ADCY8: variants seen among roughly 807,000 people sequenced by gnomAD.
The protein encoded by ADCY8 is adenylate cyclase type 8.
Under a neutral mutation model 119.7 loss-of-function variants are expected in ADCY8, and 51 were observed. The ratio of observed to expected loss-of-function variants is 0.43; its 90% CI spans 0.34 to 0.54. The LOEUF (loss-of-function observed/expected upper bound fraction) is 0.54, where lower values mean the gene tolerates loss of function less well. Ranked by LOEUF, ADCY8 falls within the 20% of genes least tolerant of loss-of-function variation. The probability of loss-of-function intolerance (pLI) is 0.03; values close to 1 mark genes in which losing one functional copy is unlikely to be tolerated. For missense variants in ADCY8, 1,383 were observed against 1,598.8 expected (o/e 0.87, Z 2.30); for synonymous variants, 665 against 651.0 (o/e 1.02, Z -0.33).
At position 131,003,685 on chromosome 8, in the gene ADCY8, AT is replaced by A. The variant is rs60590091; in HGVS notation, c.961-13144del. Among the ~76,000 whole-genome samples the A allele has an allele frequency of 4.7e-3, 712 of 152,298 alleles. 6 individuals carry two copies. Among genetic ancestry groups the A allele is most frequent in the African/African-American group, 0.017 (691 of 41,560 alleles). ...AATTGAGGCTCAGCGAGGTTAAATA[AT>A]AGAGCTAGTAAGTGGTACTAGGGTG... is the stretch of plus-strand genomic sequence containing the variant. On this transcript the variant is annotated intron_variant, in intron 1 of 17. Coordinates refer to ENST00000286355, the MANE Select transcript of ADCY8 (RefSeq NM_001115.3).
chr8:131,033,859 G>T (rs1824068546), intron 1 of ADCY8, among the ~76,000 whole-genome samples: 1 of 151,866 alleles, frequency 6.6e-6, no homozygotes, highest in Non-Finnish European at 1.5e-5. Flanking sequence ...TCTTTTACAA[G>T]TAAGAGAGAA....
chr8:130,913,373 TCTA>T (rs1820037404), intron 5 of ADCY8, among the ~76,000 whole-genome samples: 1 of 152,250 alleles, frequency 6.6e-6, no homozygotes, highest in Middle Eastern at 3.4e-3. Context: ...TAACCATCAT[TCTA>T]CTCTCTATGT....
At chr8:130,944,011 A>G (rs1821035573) in intron 3 of ADCY8, among the ~76,000 whole-genome samples, 1 of 151,990 alleles carries the variant, frequency 6.6e-6, no homozygotes, top group African/African-American at 2.4e-5. Context: ...ATTTCCCAAT[A>G]CTCTCACATT....
In ADCY8 at chr8:130,896,236, C is replaced by T. The variant is rs1315517782; in HGVS notation, c.1911+7536G>A. 2.6e-5 allele frequency among the ~76,000 whole-genome samples: 4 copies of T among 152,210 alleles called. No individual in the cohort carries two copies. In the South Asian group the frequency reaches 6.2e-4, roughly 24 times the overall value. On this transcript the variant is annotated intron_variant, in intron 7 of 17. Coordinates refer to ENST00000286355, the MANE Select transcript of ADCY8 (RefSeq NM_001115.3). ...TTAGTAGCACCATCAAACTAAGCTC[C>T]GGAGTGCTTGCCCCACCTTCGTCTC...
intron 17 of ADCY8, among the ~76,000 whole-genome samples, chr8:130,782,327 T>C (rs1309489896): frequency 1.3e-5 from 2 of 152,158 alleles, no homozygotes; most frequent in East Asian, 1.9e-4. Context: ...TTGATTCTCA[T>C]ATTATTATTG....
chr8:130,919,358 A>G (rs1479103349), intron 5 of ADCY8, among the ~76,000 whole-genome samples: 1 of 152,136 alleles, frequency 6.6e-6, no homozygotes. Flanking sequence ...GGCTATGGCC[A>G]GGCCAGCTGT....
chr8:130,884,499 C>G (rs1309301064), intron 8 of ADCY8, 65 bp downstream of exon 8: 6 of 1,554,874 alleles, frequency 3.9e-6, no homozygotes, highest in South Asian at 2.2e-5. Context: ...GGCTCTCTCT[C>G]TAGTCCCATG....
intron 6 of ADCY8, among the ~76,000 whole-genome samples, chr8:130,904,402 C>G (rs1446445196): frequency 2.6e-5 from 4 of 151,954 alleles, no homozygotes; most frequent in Non-Finnish European, 4.4e-5. Flanking sequence ...ATTGGAAAAA[C>G]AAGTGCTGCA....
At chr8:130,783,021 C>T (rs538757592) in intron 17 of ADCY8, among the ~76,000 whole-genome samples, 3 of 152,228 alleles carry the variant, frequency 2.0e-5, no homozygotes, top group African/African-American at 4.8e-5. Flanking sequence ...TTCATAGGCC[C>T]GCATTTACTC....
At chr8:130,784,135 G>T (rs1442348579) in intron 16 of ADCY8, among the ~76,000 whole-genome samples, 1 of 152,138 alleles carries the variant, frequency 6.6e-6, no homozygotes, top group African/African-American at 2.4e-5. Context: ...ATGTGTGTGT[G>T]TGTTGGGGGT....
At chr8:130,852,345 G>T (rs992552224) in intron 9 of ADCY8, among the ~76,000 whole-genome samples, 5 of 152,120 alleles carry the variant, frequency 3.3e-5, no homozygotes, top group African/African-American at 1.2e-4. Flanking sequence ...AGAACAGAAG[G>T]TTGGTGCATC....
intron 4 of ADCY8, 35 bp downstream of exon 4, chr8:130,943,316 T>G (rs1821011893): frequency 6.7e-7 from 1 of 1,489,466 alleles, no homozygotes; most frequent in African/African-American, 1.4e-5. Context: ...CCCTCACTCC[T>G]GCAAAAGACG....
intron 5 of ADCY8, among the ~76,000 whole-genome samples, chr8:130,925,742 G>A (rs1331508846): frequency 1.3e-5 from 2 of 152,178 alleles, no homozygotes; most frequent in East Asian, 1.9e-4. Context: ...CATGATAAAT[G>A]TTTGGTTTAA....
At position 130,951,937 on chromosome 8, in the gene ADCY8, G is replaced by T; in HGVS notation, c.1172C>A (p.Thr391Asn). 6.2e-7 allele frequency: 1 copy of T among 1,614,094 alleles called. No individual in the cohort carries two copies. The highest frequency in any genetic ancestry group is 8.5e-7 in the Non-Finnish European group (1 of 1,180,008). ...FVVLEMINDM[T>N]NVEDEHLQHQ... ...CTGCAGGTGCTCATCTTCCACATTGGTCATGTCGTTGATCATTTCCAGGAC... is the reference window on the plus strand; with the variant it reads ...CTGCAGGTGCTCATCTTCCACATTGTTCATGTCGTTGATCATTTCCAGGAC... The change falls in exon 3 of 18, where the codon ACC (threonine) becomes AAC (asparagine). Residue 391 changes from threonine (T) to asparagine (N), a missense_variant. By Grantham distance (65) the Thr-to-Asn change is moderately conservative. Transcript: ENST00000286355.
chr8:130,919,442 TGA>T (rs1345144487), intron 5 of ADCY8, among the ~76,000 whole-genome samples: 1 of 152,180 alleles, frequency 6.6e-6, no homozygotes, highest in Non-Finnish European at 1.5e-5. Flanking sequence ...GGTTGATCTC[TGA>T]GTGCCAATGT....
At chr8:130,925,384 TA>T (rs1820433949) in intron 5 of ADCY8, among the ~76,000 whole-genome samples, 1 of 152,182 alleles carries the variant, frequency 6.6e-6, no homozygotes, top group African/African-American at 2.4e-5. Flanking sequence ...AATATTTCCA[TA>T]GTGATAACAT....
chr8:130,990,281 C>T (rs1439517759), intron 2 of ADCY8, 112 bp downstream of exon 2: 10 of 1,382,314 alleles, frequency 7.2e-6, no homozygotes, highest in Non-Finnish European at 9.9e-6. Flanking sequence ...GTGACATAAA[C>T]TTTAAGAGAA....
chr8:130,974,214 CTG>C (rs1822005832), intron 2 of ADCY8, among the ~76,000 whole-genome samples: 4 of 152,198 alleles, frequency 2.6e-5, no homozygotes, highest in Non-Finnish European at 5.9e-5. Flanking sequence ...TTGCTGGCTC[CTG>C]TCTTGGATGA....
intron 2 of ADCY8, among the ~76,000 whole-genome samples, chr8:130,972,549 T>G (rs1821954436): frequency 6.6e-6 from 1 of 152,176 alleles, no homozygotes; most frequent in Non-Finnish European, 1.5e-5. Context: ...CCAAAATATC[T>G]ATTTTGGAAT....
Sources: gnomAD v4.1 joint callset for allele counts (sites outside exome capture counted in the v4.1 genomes callset) on GRCh38, gnomAD v4.1.1 for gene constraint, MANE v1.5 for transcripts, NCBI Gene and HGNC (gene_info 2026-07-23, HGNC 2026-07-21) for gene names.